Variants in ALPK2 observed in about 807,000 individuals in gnomAD.
ALPK2 encodes alpha kinase 2.
A neutral mutation model predicts 163.1 loss-of-function variants in ALPK2; 127 were observed. The ratio of observed to expected loss-of-function variants is 0.78; its 90% confidence interval spans 0.67 to 0.90. The LOEUF is 0.90. ALPK2 is among the 40% of genes least tolerant of loss of function. The pLI, the probability that ALPK2 is intolerant of heterozygous loss-of-function variation, is 0.00. For synonymous variants in ALPK2, 953 were observed against 959.1 expected (o/e 0.99, Z 0.12); for missense variants, 2,360 against 2,589.6 (o/e 0.91, Z 1.92).
intron 3 of ALPK2, among the ~76,000 whole-genome samples, chr18:58,606,114 T>G (rs1030480939): frequency 2.0e-5 from 3 of 152,256 alleles, no homozygotes; most frequent in African/African-American, 4.8e-5. Flanking sequence ...GATTTCACTC[T>G]GTCACCCAAG....
chr18:58,602,010 GA>G (rs2052072868), intron 3 of ALPK2, among the ~76,000 whole-genome samples: 1 of 152,148 alleles, frequency 6.6e-6, no homozygotes, highest in Non-Finnish European at 1.5e-5. Context: ...CTCCTGTCAG[GA>G]CAATCCAAAT....
chr18:58,628,883 T>A lies in ALPK2; in HGVS notation c.-140A>T, dbSNP rs1336893853. 6.6e-6 allele frequency: 1 copy of A among 151,838 alleles called. No homozygotes were observed. The highest frequency in any genetic ancestry group is 1.5e-5 in the Non-Finnish European group (1 of 67,972). The allele number at this position is 151,838 out of a possible 1,614,324, so 9.4% of individuals were successfully genotyped here. A position where few individuals can be genotyped will look rare whatever the true frequency, so the allele number is the denominator to read the frequency against. On this transcript the variant is annotated 5_prime_UTR_variant, in exon 1 of 13. Transcript: ENST00000361673. ...TTCCCGGGACAGGGATTCAAAGGAG[T>A]TTATAGGGCTCAGGGTCTTCCATGA...
chr18:58,485,861 G>GCTT (rs2051336345), intron 12 of ALPK2, among the ~76,000 whole-genome samples: 1 of 152,212 alleles, frequency 6.6e-6, no homozygotes, highest in South Asian at 2.1e-4. Context: ...GGCAGGGGCA[G>GCTT]CTTCCCTGTC....
intron 1 of ALPK2, among the ~76,000 whole-genome samples, chr18:58,621,262 G>A (rs2052197204): frequency 6.6e-6 from 1 of 151,670 alleles, no homozygotes; most frequent in Admixed American, 6.6e-5. Context: ...AAGAGTGCAG[G>A]GAATGTGATC....
At chr18:58,580,571 A>T (rs774934445) in intron 3 of ALPK2, 23 bp from the exon 4 acceptor site, 7 of 1,587,636 alleles carry the variant, frequency 4.4e-6, no homozygotes, top group East Asian at 4.5e-5. Context: ...GAATATATAG[A>T]TAAGTTTGCC....
In ALPK2 at chr18:58,536,091, TC is replaced by T; in HGVS notation, c.4095del (p.Lys1366ArgfsTer7). ...DSLSAASETG[G>X]KENVNNVSQD... Reference sequence around the variant, plus strand: ...TGACTCACATTGTTAACATTTTCCTTCCCTCCAGTTTCAGAAGCCGCTGACA... The same window carrying T: ...TGACTCACATTGTTAACATTTTCCTTCCTCCAGTTTCAGAAGCCGCTGACA... On this transcript the variant is annotated frameshift_variant, in exon 5 of 13. Coordinates refer to ENST00000361673, the MANE Select transcript of ALPK2 (RefSeq NM_052947.4). 1 of 1,614,148 alleles carries T rather than the reference TC, an allele frequency of 6.2e-7. No homozygotes were observed. Among genetic ancestry groups the T allele is most frequent in the East Asian group, 2.2e-5 (1 of 44,880 alleles).
intron 10 of ALPK2, among the ~76,000 whole-genome samples, chr18:58,505,983 C>A (rs2051459922): frequency 6.6e-6 from 1 of 152,170 alleles, no homozygotes; most frequent in Admixed American, 6.5e-5. Context: ...CCTTTAGACT[C>A]TGGAGGGCTC....
chr18:58,563,351 A>C (rs1029500908), intron 4 of ALPK2, among the ~76,000 whole-genome samples: 7 of 152,194 alleles, frequency 4.6e-5, no homozygotes, highest in Admixed American at 4.6e-4. Context: ...TTTCCAGTAA[A>C]ACAGAGTGGA....
At chr18:58,610,512 T>C (rs2052122829) in intron 2 of ALPK2, among the ~76,000 whole-genome samples, 1 of 152,216 alleles carries the variant, frequency 6.6e-6, no homozygotes, top group Non-Finnish European at 1.5e-5. Flanking sequence ...TCTGAGTTAT[T>C]TATTCACCAA....
intron 2 of ALPK2, 49 bp from the exon 3 acceptor site, chr18:58,607,488 GA>G (rs113295953): frequency 0.089 from 75,877 of 853,092 alleles, 79 homozygotes; most frequent in South Asian, 0.093. Context: ...GTATTTTTAG[GA>G]AAAAAAAAAA....
chr18:58,523,906 G>T (rs775951263), intron 7 of ALPK2, 29 bp downstream of exon 7: 2 of 1,614,104 alleles, frequency 1.2e-6, no homozygotes, highest in East Asian at 4.5e-5. Context: ...GCAGGGGCCA[G>T]TGGTTTTTCA....
chr18:58,580,062 C>T lies in ALPK2; in HGVS notation c.714G>A (p.Met238Ile). 6.2e-7 allele frequency: 1 copy of T among 1,614,246 alleles called. No homozygotes were observed. The highest frequency in any genetic ancestry group is 8.5e-7 in the Non-Finnish European group (1 of 1,180,038). ...GGTCACCATCCGTGAACTTTGATGC[C>T]ATGGAATGCACTGTCTTGTGGCAAC... is the stretch of plus-strand genomic sequence containing the variant. ...DRCCHKTVHS[M>I]ASKFTDGDLN... Residue 238 changes from methionine (M) to isoleucine (I), a missense_variant, in exon 4 of 13, where the codon ATG (methionine) becomes ATA (isoleucine). Met to Ile is a conservative substitution (Grantham distance 10, BLOSUM62 1). Transcript: ENST00000361673.
At position 58,602,381 on chromosome 18, in the gene ALPK2, C is replaced by T. The variant is rs556731894; in HGVS notation, c.227+4941G>A. 2.0e-5 allele frequency among the ~76,000 whole-genome samples: 3 copies of T among 152,350 alleles called. No homozygotes were observed. The South Asian group carries it at 6.2e-4, about 32-fold the overall frequency. Reference sequence around the variant, plus strand: ...AAAAAGCAACAGAAATTTATTCTTTCACAGTTCATGTGTCCAAAATGTCTA... The same window carrying T: ...AAAAAGCAACAGAAATTTATTCTTTTACAGTTCATGTGTCCAAAATGTCTA... On this transcript the variant is annotated intron_variant, in intron 3 of 12. Coordinates refer to ENST00000361673, the MANE Select transcript of ALPK2 (RefSeq NM_052947.4).
At chr18:58,590,537 C>T (rs1301090701) in intron 3 of ALPK2, among the ~76,000 whole-genome samples, 1 of 152,288 alleles carries the variant, frequency 6.6e-6, no homozygotes, top group African/African-American at 2.4e-5. Flanking sequence ...TTGGCCATAG[C>T]ACCAGGTGAA....
chr18:58,572,600 G>GA (rs571877575), intron 4 of ALPK2, among the ~76,000 whole-genome samples: 15 of 151,058 alleles, frequency 9.9e-5, no homozygotes, highest in Middle Eastern at 3.4e-3. Context: ...GAATTCTGCT[G>GA]AAAAAAAAAC....
intron 6 of ALPK2, among the ~76,000 whole-genome samples, chr18:58,525,967 G>GAAAAAAAAAA (rs10653750): frequency 1.1e-4 from 13 of 117,560 alleles, no homozygotes; most frequent in African/African-American, 2.6e-4. Flanking sequence ...TGATGAAAAA[G>GAAAAAAAAAA]AAAAAAAAAA....
chr18:58,596,373 C>T (rs1192058346), intron 3 of ALPK2, among the ~76,000 whole-genome samples: 1 of 152,214 alleles, frequency 6.6e-6, no homozygotes, highest in African/African-American at 2.4e-5. Context: ...TGAGCCGAGG[C>T]AGCCACTAGC....
At chr18:58,513,820 G>A (rs999149373) in intron 10 of ALPK2, among the ~76,000 whole-genome samples, 7 of 152,102 alleles carry the variant, frequency 4.6e-5, no homozygotes, top group Admixed American at 6.6e-5. Context: ...GCAGTGAGCC[G>A]TGATTGCACC....
At chr18:58,516,502 C>T (rs2144125623) in intron 9 of ALPK2, among the ~76,000 whole-genome samples, 1 of 152,144 alleles carries the variant, frequency 6.6e-6, no homozygotes, top group South Asian at 2.1e-4. Flanking sequence ...CAAAACAAAA[C>T]CAAACAAAAC....
Sources: gnomAD v4.1 joint callset for allele counts (sites outside exome capture counted in the v4.1 genomes callset) on GRCh38, gnomAD v4.1.1 for gene constraint, MANE v1.5 for transcripts, NCBI Gene and HGNC (gene_info 2026-07-23, HGNC 2026-07-21) for gene names.